AGBL1: variants seen among roughly 807,000 people sequenced by gnomAD.
The protein encoded by AGBL1 is AGBL carboxypeptidase 1.
AGBL1 carries 130 observed loss-of-function variants against 118.9 expected under a neutral mutation model. The ratio of observed to expected loss-of-function variants is 1.09; its 90% CI spans 0.95 to 1.26. AGBL1 has a LOEUF of 1.26. AGBL1 is among the 50% of genes most tolerant of loss of function. AGBL1 has a pLI of 0.00. For missense variants in AGBL1, 1,584 were observed against 1,298.1 expected (o/e 1.22, Z -3.38); for synonymous variants, 555 against 478.9 (o/e 1.16, Z -2.08).
In AGBL1 at chr15:86,546,127, C is replaced by T. The variant is rs768618276; in HGVS notation, c.2811C>T (p.Asn937=). ...CATCTACTATCCTAGAGGAGGTCAA[C>T]TACAGGGTAAGCCGCTGTGGGGAAT... ...VGTSTILEEV[N]YRTLPKILDK... is the part of the protein sequence containing the mutation. Residue 937 remains asparagine, a synonymous_variant, in exon 20 of 23, where the codon AAC becomes AAT. Coordinates refer to ENST00000614907, the MANE Select transcript of AGBL1 (RefSeq NM_001386094.1). 6.2e-7 allele frequency: 1 copy of T among 1,612,206 alleles called. No homozygotes were observed. The highest frequency in any genetic ancestry group is 2.2e-5 in the East Asian group (1 of 44,860).
At chr15:86,689,778 A>G (rs1434805644) in intron 22 of AGBL1, among the ~76,000 whole-genome samples, 1 of 152,148 alleles carries the variant, frequency 6.6e-6, no homozygotes, top group Non-Finnish European at 1.5e-5. Context: ...AATATAATTG[A>G]TATTTAAAAA....
At chr15:86,933,972 A>T (rs571569388) in intron 23 of AGBL1, among the ~76,000 whole-genome samples, 1 of 152,340 alleles carries the variant, frequency 6.6e-6, no homozygotes, top group South Asian at 2.1e-4. Context: ...CTAAAAATTG[A>T]ACAAGTTGGG....
chr15:86,351,760 T>G (rs2080630334), intron 17 of AGBL1, among the ~76,000 whole-genome samples: 1 of 152,004 alleles, frequency 6.6e-6, no homozygotes, highest in Non-Finnish European at 1.5e-5. Flanking sequence ...ACAAGTAACT[T>G]TGGGATTCTT....
At chr15:86,981,089 A>G (rs116365938) in intron 23 of AGBL1, among the ~76,000 whole-genome samples, 8,392 of 151,886 alleles carry the variant, frequency 0.055, 768 homozygotes, top group African/African-American at 0.19. Flanking sequence ...GTTTCACCAT[A>G]TTGGTCAGAC....
chr15:86,357,519 C>A (rs2080739893), intron 17 of AGBL1, among the ~76,000 whole-genome samples: 1 of 152,076 alleles, frequency 6.6e-6, no homozygotes. Context: ...TTCTACTCTC[C>A]ATCTAAGCTT....
chr15:86,695,891 A>G (rs1247313616), intron 22 of AGBL1, among the ~76,000 whole-genome samples: 2 of 151,934 alleles, frequency 1.3e-5, no homozygotes, highest in Non-Finnish European at 1.5e-5. Flanking sequence ...ATTTTCATGT[A>G]TTTGCATGGT....
chr15:86,996,838 G>A (rs1424123128), intron 24 of AGBL1, among the ~76,000 whole-genome samples: 2 of 152,046 alleles, frequency 1.3e-5, no homozygotes, highest in Non-Finnish European at 2.9e-5. Context: ...ACCAAAATGA[G>A]AAAACTTTGG....
At chr15:86,107,990 G>A (rs1897150413) in intron 1 of AGBL1, among the ~76,000 whole-genome samples, 1 of 152,180 alleles carries the variant, frequency 6.6e-6, no homozygotes, top group African/African-American at 2.4e-5. Context: ...CATAGGGAGA[G>A]CCCAGATGGA....
chr15:86,777,719 A>G (rs1359745237), intron 22 of AGBL1, among the ~76,000 whole-genome samples: 3 of 152,146 alleles, frequency 2.0e-5, no homozygotes, highest in South Asian at 4.1e-4. Flanking sequence ...AATATGTTTC[A>G]TCTTGAAACT....
intron 18 of AGBL1, among the ~76,000 whole-genome samples, chr15:86,487,895 G>A (rs962772625): frequency 1.3e-5 from 2 of 152,102 alleles, no homozygotes; most frequent in Non-Finnish European, 2.9e-5. Context: ...ACACTGGTCT[G>A]CAGGGCATGC....
intron 22 of AGBL1, among the ~76,000 whole-genome samples, chr15:86,690,027 C>A (rs1372430324): frequency 6.6e-6 from 1 of 152,096 alleles, no homozygotes; most frequent in Non-Finnish European, 1.5e-5. Context: ...GGAATGGTTT[C>A]TGTTTTGCTG....
intron 5 of AGBL1, among the ~76,000 whole-genome samples, chr15:86,171,902 A>T (rs889409820): frequency 3.6e-4 from 55 of 152,218 alleles, no homozygotes; most frequent in African/African-American, 1.2e-3. Flanking sequence ...AACCTAGATG[A>T]AATTGGTGAC....
At chr15:86,558,566 G>A (rs2083769999) in intron 21 of AGBL1, among the ~76,000 whole-genome samples, 1 of 152,156 alleles carries the variant, frequency 6.6e-6, no homozygotes, top group Non-Finnish European at 1.5e-5. Flanking sequence ...GCAAATCTCA[G>A]CATCTCAGAG....
rs760427652 is a variant in AGBL1 at position 86,264,746 on chromosome 15, G to A, written c.1575G>A (p.Val525=). 6.2e-7 allele frequency: 1 copy of A among 1,614,036 alleles called. No homozygotes were observed. Among genetic ancestry groups the A allele is most frequent in the Non-Finnish European group, 8.5e-7 (1 of 1,179,896 alleles). The change falls in exon 11 of 23, where the codon GTG becomes GTA. Residue 525 remains valine (V), a synonymous_variant. Coordinates refer to ENST00000614907, the MANE Select transcript of AGBL1 (RefSeq NM_001386094.1). ...AAGCCAGAAGAACCAGCTCTGTGGT[G>A]GACTTCAAGATGATGGCATTTCCTG... ...MAKARRTSSV[V]DFKMMAFPDV...
At chr15:86,860,949 G>A (rs1051078668) in intron 22 of AGBL1, among the ~76,000 whole-genome samples, 2 of 152,082 alleles carry the variant, frequency 1.3e-5, no homozygotes, top group African/African-American at 4.8e-5. Flanking sequence ...CCCAGCCCAG[G>A]CAGGGGGCAG....
intron 22 of AGBL1, among the ~76,000 whole-genome samples, chr15:86,882,090 G>A (rs527435922): frequency 1.3e-5 from 2 of 152,288 alleles, no homozygotes; most frequent in African/African-American, 4.8e-5. Flanking sequence ...GAAATTGCCC[G>A]TATCCAACCT....
intron 19 of AGBL1, among the ~76,000 whole-genome samples, chr15:86,532,659 C>T (rs1009201708): frequency 5.3e-5 from 8 of 151,362 alleles, no homozygotes; most frequent in Non-Finnish European, 1.5e-5. Context: ...CCAAGTCAAT[C>T]CTAAGCCAAA....
At position 86,914,604 on chromosome 15, in the gene AGBL1, T is replaced by C. The variant is rs1266444193; in HGVS notation, c.*7310T>C. On this transcript the variant is annotated 3_prime_UTR_variant, in exon 23 of 23. Transcript: ENST00000614907. ...TCTAAGACCATCGCAGGTGTCATCATGTTTAAGCCTAAAACTTCAGCCCAA... is the reference window on the plus strand; with the variant it reads ...TCTAAGACCATCGCAGGTGTCATCACGTTTAAGCCTAAAACTTCAGCCCAA... The C allele has an allele frequency of 6.6e-6, 1 of 152,204 alleles. No homozygotes were observed. The allele number at this position is 152,204 out of a possible 1,614,324, so 9.4% of individuals were successfully genotyped here. A position where few individuals can be genotyped will look rare whatever the true frequency, so the allele number is the denominator to read the frequency against.
intron 21 of AGBL1, among the ~76,000 whole-genome samples, chr15:86,627,157 C>A (rs1415246866): frequency 6.6e-6 from 1 of 152,086 alleles, no homozygotes; most frequent in Non-Finnish European, 1.5e-5. Context: ...TGCGCCACCA[C>A]CCCCAGCTAA....
Sources: gnomAD v4.1 joint callset for allele counts (sites outside exome capture counted in the v4.1 genomes callset) on GRCh38, gnomAD v4.1.1 for gene constraint, MANE v1.5 for transcripts, NCBI Gene and HGNC (gene_info 2026-07-23, HGNC 2026-07-21) for gene names.